Variants in ACSL4 observed in about 807,000 individuals in gnomAD.
ACSL4 encodes long-chain-fatty-acid--CoA ligase 4.
ACSL4 carries 9 observed loss-of-function variants against 49.1 expected under a neutral mutation model. That is an observed-to-expected ratio of 0.18 (90% CI 0.11 to 0.32). The LOEUF (loss-of-function observed/expected upper bound fraction) is 0.32. Ranked by LOEUF, ACSL4 falls within the 10% of genes least tolerant of loss-of-function variation. The pLI is 1.00. For synonymous variants in ACSL4, 191 were observed against 170.3 expected, an observed-to-expected ratio of 1.12 and a Z score of -0.95; for missense variants, 333 against 493.7, an observed-to-expected ratio of 0.67 and a Z score of 3.08.
rs770441833 is a variant in ACSL4, at chrX:109,731,577, CA to C, written c.-66+1561del. The stretch of plus-strand genomic sequence containing the variant: ...TTGTGTTTTTAAATAGGGGGTTTTC[CA>C]AAAAAAAAAAAAAACCCACAAAATT... On this transcript the variant is annotated intron_variant, in intron 1 of 15. Transcript: ENST00000672401. Among the ~76,000 whole-genome samples, 530 of 68,727 alleles carry C rather than the reference CA, an allele frequency of 7.7e-3. 2 individuals are homozygous for C. Among genetic ancestry groups the C allele is most frequent in the East Asian group, 0.034 (74 of 2,194 alleles). The allele number at this position is 68,727 out of a possible 115,157, so 59.7% of individuals were successfully genotyped here.
intron 11 of ACSL4, among the ~76,000 whole-genome samples, chrX:109,667,387 AAC>A (rs1426369704): frequency 8.9e-6 from 1 of 112,597 alleles, no homozygotes; most frequent in East Asian, 2.8e-4. Flanking sequence ...TCAAAATTTG[AAC>A]AGTGTCAGGG....
At position 109,668,155 on chromosome X, in the gene ACSL4, T is replaced by C. The variant is rs375864785; in HGVS notation, c.1261A>G (p.Ile421Val). The C allele has an allele frequency of 3.6e-5, 44 of 1,207,594 alleles. No homozygotes were observed. The highest frequency in any genetic ancestry group is 8.8e-5 in the Admixed American group (4 of 45,702). Residue 421 changes from isoleucine (I) to valine (V), a missense_variant, in exon 11 of 16, where the codon ATT (isoleucine) becomes GTT (valine). By Grantham distance (29) the Ile-to-Val change is conservative. Coordinates refer to ENST00000672401, the MANE Select transcript of ACSL4 (RefSeq NM_001318510.2). ...TCTGTCAGTCCATAACCCTGGCCAA[T>C]TGGGCAGCAGAAGCAGACATTCATG... ...RFMNVCFCCP[I>V]GQGYGLTESC...
chrX:109,713,107 T>C (rs181689497), intron 1 of ACSL4, among the ~76,000 whole-genome samples: 3 of 106,978 alleles, frequency 2.8e-5, no homozygotes, highest in African/African-American at 1.0e-4. Context: ...GGGAAAGGGA[T>C]GGGAAAGGAA....
chrX:109,721,357 T>G (rs765561205), intron 1 of ACSL4, among the ~76,000 whole-genome samples: 1 of 111,784 alleles, frequency 8.9e-6, no homozygotes, highest in East Asian at 2.8e-4. Flanking sequence ...CCCAGGAGAG[T>G]TGGTCGTACA....
intron 8 of ACSL4, among the ~76,000 whole-genome samples, chrX:109,676,299 A>C (rs1367030031): frequency 9.0e-6 from 1 of 111,569 alleles, no homozygotes; most frequent in Non-Finnish European, 1.9e-5. Context: ...GTCCAAAAAA[A>C]ACTATTTAAC....
chrX:109,677,998 A>T lies in ACSL4; in HGVS notation c.920T>A (p.Leu307His). 1.7e-6 allele frequency: 2 copies of T among 1,211,460 alleles called. No homozygotes were observed. The highest frequency in any genetic ancestry group is 2.2e-6 in the Non-Finnish European group (2 of 895,261). ...CRIGYSSPLT[L>H]SDQSSKIKKG... ...TGAAAAGTTTGTCACCTGGTCAGAG[A>T]GTGTAAGCGGAGAAGAATATCCAAT... The change falls in exon 8 of 16, where the codon CTC (leucine) becomes CAC (histidine). Residue 307 changes from leucine (L) to histidine (H), a missense_variant. Around this residue, in one of 3 missense-constraint regions of ACSL4, gnomAD observed 175 missense variants for 275.8 expected, o/e 0.63. Transcript: ENST00000672401.
At chrX:109,720,012 A>T (rs2147537876) in intron 1 of ACSL4, among the ~76,000 whole-genome samples, 1 of 109,043 alleles carries the variant, frequency 9.2e-6, no homozygotes, top group African/African-American at 3.4e-5. Context: ...CAAACAAACA[A>T]ACAAAAACAA....
At chrX:109,687,593 G>A (rs959048627) in intron 2 of ACSL4, among the ~76,000 whole-genome samples, 1 of 111,583 alleles carries the variant, frequency 9.0e-6, no homozygotes, top group African/African-American at 3.3e-5. Context: ...GAGGGCTAGG[G>A]GAGGGATAGC....
At chrX:109,705,559 T>C (rs1044235954) in intron 1 of ACSL4, among the ~76,000 whole-genome samples, 4 of 112,703 alleles carry the variant, frequency 3.5e-5, no homozygotes, top group Non-Finnish European at 7.5e-5. Context: ...TCAGTTTAAA[T>C]ATGTACCTTT....
intron 15 of ACSL4, among the ~76,000 whole-genome samples, chrX:109,654,874 C>T (rs1178768014): frequency 8.9e-6 from 1 of 111,759 alleles, no homozygotes; most frequent in Non-Finnish European, 1.9e-5. Flanking sequence ...GAAGCAGAGA[C>T]TCGGGACTCA....
At chrX:109,654,008 T>C (rs1399514944) in intron 15 of ACSL4, among the ~76,000 whole-genome samples, 1 of 109,505 alleles carries the variant, frequency 9.1e-6, no homozygotes, top group Non-Finnish European at 1.9e-5. Context: ...ATATTCTCTT[T>C]GACTCAGAAA....
intron 15 of ACSL4, among the ~76,000 whole-genome samples, chrX:109,656,323 C>T (rs1921639972): frequency 9.0e-6 from 1 of 110,579 alleles, no homozygotes; most frequent in African/African-American, 3.3e-5. Flanking sequence ...CAGGGAAACA[C>T]AAAAAATTGT....
At position 109,657,128 on chromosome X, in the gene ACSL4, G is replaced by A. The variant is rs1192924226; in HGVS notation, c.1855+2226C>T. Among the ~76,000 whole-genome samples the A allele has an allele frequency of 3.6e-5, 4 of 111,772 alleles. No individual in the cohort carries two copies. In the Admixed American group the frequency reaches 3.8e-4, roughly 11 times the overall value. On this transcript the variant is annotated intron_variant, in intron 15 of 15. Transcript: ENST00000672401. ...GGTTTCAATTATCCCCGAGTCTATAGCAGAGTCCAGGCCTCTCCCAATAAG... is the reference window on the plus strand; with the variant it reads ...GGTTTCAATTATCCCCGAGTCTATAACAGAGTCCAGGCCTCTCCCAATAAG...
At chrX:109,661,441 A>G in intron 14 of ACSL4, 90 bp downstream of exon 14, 5 of 643,257 alleles carry the variant, frequency 7.8e-6, no homozygotes, top group Non-Finnish European at 1.3e-5. Flanking sequence ...CTAAGAGAAG[A>G]CTATGTTACC....
chrX:109,715,496 CAGGCATGGT>C (rs1927057922), intron 1 of ACSL4, among the ~76,000 whole-genome samples: 1 of 110,011 alleles, frequency 9.1e-6, no homozygotes, highest in Non-Finnish European at 1.9e-5. Context: ...AAAAATTAGC[CAGGCATGGT>C]TGTGTACACC....
intron 1 of ACSL4, among the ~76,000 whole-genome samples, chrX:109,713,847 T>C (rs1025294225): frequency 1.2e-4 from 13 of 112,154 alleles, no homozygotes; most frequent in African/African-American, 4.2e-4. Context: ...GCATATACAG[T>C]CGTCCCATAA....
At chrX:109,671,452 T>TG (rs1471942051) in intron 9 of ACSL4, among the ~76,000 whole-genome samples, 1 of 105,204 alleles carries the variant, frequency 9.5e-6, no homozygotes, top group African/African-American at 3.5e-5. Flanking sequence ...ATCCGGGAGG[T>TG]GGGGGGCAGC....
intron 6 of ACSL4, among the ~76,000 whole-genome samples, chrX:109,679,481 GAAACAAAGA>G (rs1923998292): frequency 8.9e-6 from 1 of 112,235 alleles, no homozygotes; most frequent in Non-Finnish European, 1.9e-5. Context: ...CTATACCACT[GAAACAAAGA>G]TAGTTACACT....
At chrX:109,721,533 A>T (rs1457166401) in intron 1 of ACSL4, among the ~76,000 whole-genome samples, 1 of 111,317 alleles carries the variant, frequency 9.0e-6, no homozygotes, top group Non-Finnish European at 1.9e-5. Context: ...GAAGTTCGAG[A>T]CCAGCCGGGC....
Sources: gnomAD v4.1 joint callset for allele counts (sites outside exome capture counted in the v4.1 genomes callset) on GRCh38, gnomAD v4.1.1 for gene constraint, gnomAD v4.1.1 regional missense constraint, MANE v1.5 for transcripts, NCBI Gene and HGNC (gene_info 2026-07-23, HGNC 2026-07-21) for gene names.